The following FBLN7 variants were observed in gnomAD, a reference collection of about 807,000 sequenced individuals.
FBLN7 encodes the protein fibulin 7.
Under a neutral mutation model 44.0 loss-of-function variants are expected in FBLN7, and 31 were observed. The ratio of observed to expected loss-of-function variants is 0.70; its 90% confidence interval spans 0.53 to 0.95. The LOEUF (loss-of-function observed/expected upper bound fraction) is 0.95. Ranked by LOEUF, FBLN7 falls within the 40% of genes least tolerant of loss-of-function variation. The pLI is 0.00. For missense variants in FBLN7, 573 were observed against 618.5 expected, an observed-to-expected ratio of 0.93 and a Z score of 0.78; for synonymous variants, 262 against 253.4, an observed-to-expected ratio of 1.03 and a Z score of -0.32.
chr2:112,145,050 C>G (rs1026803847), intron 1 of FBLN7, among the ~76,000 whole-genome samples: 1 of 152,134 alleles, frequency 6.6e-6, no homozygotes, highest in African/African-American at 2.4e-5. Context: ...TTAGTTTTAC[C>G]GCTTTACATT....
chr2:112,233,373 T>C, the FBLN7 span: 1 of 1,563,634 alleles, frequency 6.4e-7, no homozygotes, highest in Admixed American at 1.9e-5. Flanking sequence ...CTGGTCTCCC[T>C]AGGCCAAAAG....
rs533872433 is a variant in FBLN7, at chr2:112,156,506, A to G, written c.76-3170A>G. On this transcript the variant is annotated intron_variant, in intron 1 of 7. Transcript: ENST00000331203. Reference sequence around the variant, plus strand: ...CAATTGACATATAAACCATGAAGTCATCTATAAAAGCAGAGCCCCCCTTTT... The same window carrying G: ...CAATTGACATATAAACCATGAAGTCGTCTATAAAAGCAGAGCCCCCCTTTT... 3.3e-5 allele frequency among the ~76,000 whole-genome samples: 5 copies of G among 152,328 alleles called. No individual in the cohort carries two copies. In the South Asian group the frequency reaches 1.0e-3, roughly 32 times the overall value.
At chr2:112,163,096 A>G (rs895335814) in intron 2 of FBLN7, among the ~76,000 whole-genome samples, 3 of 152,042 alleles carry the variant, frequency 2.0e-5, no homozygotes, top group Non-Finnish European at 4.4e-5. Flanking sequence ...TTCCCCAATC[A>G]CCAAAGGCCA....
chr2:112,155,744 C>T (rs1330741977), intron 1 of FBLN7, among the ~76,000 whole-genome samples: 1 of 152,132 alleles, frequency 6.6e-6, no homozygotes, highest in Non-Finnish European at 1.5e-5. Flanking sequence ...GAAGTGGCAC[C>T]GGAAGCAGAG....
intron 3 of FBLN7, among the ~76,000 whole-genome samples, chr2:112,175,452 C>T (rs554539590): frequency 3.9e-5 from 6 of 152,322 alleles, no homozygotes; most frequent in Non-Finnish European, 7.3e-5. Flanking sequence ...TAGGCCAGCT[C>T]CTGCATGCAG....
chr2:112,227,688 C>T, the FBLN7 span, among the ~76,000 whole-genome samples: 9 of 152,130 alleles, frequency 5.9e-5, no homozygotes, highest in South Asian at 2.1e-4. Context: ...TACCAATGAA[C>T]AACTAAAAAT....
intron 4 of FBLN7, chr2:112,176,234 A>G (rs1192982945): frequency 6.2e-6 from 1 of 161,676 alleles, no homozygotes; most frequent in Non-Finnish European, 1.3e-5. Flanking sequence ...GCAGCTATTG[A>G]TGCAGGCCCA....
chr2:112,182,666 C>G (rs1043678992), intron 5 of FBLN7, 125 bp from the exon 6 acceptor site: 21 of 1,244,826 alleles, frequency 1.7e-5, no homozygotes, highest in Non-Finnish European at 2.0e-5. Flanking sequence ...GGCGGCTGCC[C>G]GAGGCCCAGC....
chr2:112,163,521 T>C (rs1681983902), intron 2 of FBLN7, among the ~76,000 whole-genome samples: 1 of 152,254 alleles, frequency 6.6e-6, no homozygotes, highest in Admixed American at 6.5e-5. Flanking sequence ...CCATGCGTGA[T>C]GCTCTGTTGC....
chr2:112,228,402 T>C, the FBLN7 span, among the ~76,000 whole-genome samples: 1 of 151,570 alleles, frequency 6.6e-6, no homozygotes, highest in African/African-American at 2.4e-5. Flanking sequence ...CTCGGGATGC[T>C]GAGGCATGAG....
At chr2:112,193,370 G>T in the FBLN7 span, among the ~76,000 whole-genome samples, 300 of 152,320 alleles carry the variant, frequency 2.0e-3, no homozygotes, top group African/African-American at 6.8e-3. Context: ...AACTCAGGAG[G>T]TGGAGGTTGC....
downstream of FBLN7, among the ~76,000 whole-genome samples, chr2:112,191,149 AT>A (rs564871954): frequency 6.6e-6 from 1 of 151,684 alleles, no homozygotes; most frequent in African/African-American, 2.4e-5. Context: ...GCAAATTTTT[AT>A]TTTTTTGTAG....
At chr2:112,238,348 T>C in the FBLN7 span, 6 of 1,613,662 alleles carry the variant, frequency 3.7e-6, no homozygotes, top group Admixed American at 5.0e-5. Context: ...TCTTTCTTTG[T>C]AGATTCTTCA....
At chr2:112,222,029 T>C in the FBLN7 span, among the ~76,000 whole-genome samples, 1 of 152,088 alleles carries the variant, frequency 6.6e-6, no homozygotes, top group Non-Finnish European at 1.5e-5. Context: ...GTCCTTTGGG[T>C]AGATTTTTTG....
the FBLN7 span, chr2:112,233,465 TC>T: frequency 1.2e-6 from 1 of 843,538 alleles, no homozygotes; most frequent in South Asian, 1.7e-5. Flanking sequence ...AGCAAATGAT[TC>T]CAGAAAGAAC....
intron 3 of FBLN7, among the ~76,000 whole-genome samples, chr2:112,168,594 C>A (rs1232764909): frequency 6.6e-6 from 1 of 152,144 alleles, no homozygotes; most frequent in African/African-American, 2.4e-5. Flanking sequence ...GCCAAACTTG[C>A]CAGGAGGGAG....
intron 1 of FBLN7, among the ~76,000 whole-genome samples, chr2:112,155,643 G>A (rs972958816): frequency 6.6e-6 from 1 of 152,192 alleles, no homozygotes; most frequent in African/African-American, 2.4e-5. Flanking sequence ...AGATGTTTAA[G>A]GTTTTTCCGT....
chr2:112,181,762 G>C lies in FBLN7; in HGVS notation c.556G>C (p.Gly186Arg), dbSNP rs1039559535. The change falls in exon 5 of 8, where the codon GGC becomes CGC. Residue 186 changes from glycine (G) to arginine (R), a missense_variant. Gly to Arg is a moderately radical substitution (Grantham distance 125). Coordinates refer to ENST00000331203, the MANE Select transcript of FBLN7 (RefSeq NM_153214.3). ...QTAAPEGSVA[G>R]DSAFSRAPRC... ...AGCCGCCCCCGAGGGCAGCGTGGCC[G>C]GCGACTCCGCCTTCAGCCGCGCGCC... 3 of 1,407,380 alleles carry C rather than the reference G, an allele frequency of 2.1e-6. No individual in the cohort carries two copies. The highest frequency in any genetic ancestry group is 2.8e-6 in the Non-Finnish European group (3 of 1,087,444). The allele number at this position is 1,407,380 out of a possible 1,614,324, so 87.2% of individuals were successfully genotyped here.
intron 1 of FBLN7, among the ~76,000 whole-genome samples, chr2:112,156,656 A>G (rs1681446361): frequency 6.6e-6 from 1 of 152,210 alleles, no homozygotes; most frequent in South Asian, 2.1e-4. Flanking sequence ...AGGGACCACA[A>G]CGTGGGAGGA....
Sources: allele counts gnomAD v4.1 joint callset (sites outside exome capture counted in the v4.1 genomes callset), GRCh38; gene constraint gnomAD v4.1.1; transcripts MANE v1.5; gene names NCBI Gene and HGNC (gene_info 2026-07-23, HGNC 2026-07-21).